Variants in DNAH6 observed in about 807,000 individuals in gnomAD.
The protein encoded by DNAH6 is dynein axonemal heavy chain 6, also known as axonemal beta dynein heavy chain 6.
A neutral mutation model predicts 491.4 loss-of-function variants in DNAH6; 340 were observed. The observed-to-expected ratio is 0.69, with a 90% CI of 0.63 to 0.76. The LOEUF (loss-of-function observed/expected upper bound fraction) is 0.76. DNAH6 is among the 30% of genes least tolerant of loss of function. The pLI is 0.00. For synonymous variants in DNAH6, 1,603 were observed against 1,686.1 expected, an observed-to-expected ratio of 0.95 and a Z score of 1.21; for missense variants, 4,443 against 4,972.2, an observed-to-expected ratio of 0.89 and a Z score of 3.20.
chr2:84,464,595 T>C, the DNAH6 span, among the ~76,000 whole-genome samples: 4 of 152,358 alleles, frequency 2.6e-5, no homozygotes, highest in East Asian at 7.7e-4. Flanking sequence ...TTTATAGTTA[T>C]TTCTTCATGA....
intron 8 of DNAH6, among the ~76,000 whole-genome samples, chr2:84,549,162 C>A (rs1244222808): frequency 6.6e-6 from 1 of 152,214 alleles, no homozygotes; most frequent in East Asian, 1.9e-4. Flanking sequence ...CATTCTAAAA[C>A]CGCATGTCTT....
chr2:84,461,016 A>C, the DNAH6 span, among the ~76,000 whole-genome samples: 1,680 of 152,252 alleles, frequency 0.011, 28 homozygotes, highest in African/African-American at 0.039. Context: ...AGGCCTCCAC[A>C]AACAAGTTTA....
chr2:84,506,698 T>C, the DNAH6 span, among the ~76,000 whole-genome samples: 1 of 10,462 alleles, frequency 9.6e-5, no homozygotes, highest in Non-Finnish European at 1.4e-4. Flanking sequence ...TTTTATGGCT[T>C]TAGTTTAACA....
rs1239021969 is a variant in DNAH6, at chr2:84,701,176, AG to A, written c.7899del (p.Lys2633AsnfsTer4). On this transcript the variant is annotated frameshift_variant, in exon 49 of 77. Transcript: ENST00000389394. LOFTEE classifies it high-confidence loss of function. ...VDAGNEELKE[K>X]LPLMCVNVHL... The stretch of plus-strand genomic sequence containing the variant: ...GCTGGAAATGAAGAACTGAAAGAAA[AG>A]CTTCCCTTGATGTGCGTGAACGTTC... 3.9e-6 allele frequency: 6 copies of A among 1,551,796 alleles called. No homozygotes were observed. The East Asian group carries it at 1.5e-4, about 38-fold the overall frequency.
chr2:84,473,529 A>G, the DNAH6 span, among the ~76,000 whole-genome samples: 1 of 152,200 alleles, frequency 6.6e-6, no homozygotes, highest in Non-Finnish European at 1.5e-5. Flanking sequence ...TTCTTCAATT[A>G]ATTGAAGTTC....
intron 67 of DNAH6, among the ~76,000 whole-genome samples, chr2:84,786,948 A>T (rs545098133): frequency 6.6e-6 from 1 of 152,186 alleles, no homozygotes; most frequent in African/African-American, 2.4e-5. Flanking sequence ...GTAATAGCAA[A>T]TTTTCTTTTG....
chr2:84,603,382 G>T (rs10048709), intron 18 of DNAH6, among the ~76,000 whole-genome samples: 130,953 of 152,006 alleles, frequency 0.86, 57,206 homozygotes, highest in East Asian at 0.99. Flanking sequence ...AATTTCGGGT[G>T]GGGCTGGTTT....
chr2:84,550,350 C>T (rs756419770), intron 9 of DNAH6, among the ~76,000 whole-genome samples: 1 of 152,068 alleles, frequency 6.6e-6, no homozygotes, highest in Non-Finnish European at 1.5e-5. Context: ...GTTCACAGTA[C>T]GGTTTGGGCT....
At chr2:84,712,365 T>TG (rs1303241619) in intron 56 of DNAH6, among the ~76,000 whole-genome samples, 1 of 152,206 alleles carries the variant, frequency 6.6e-6, no homozygotes, top group Non-Finnish European at 1.5e-5. Flanking sequence ...TGAAAGCCCC[T>TG]GGGCCATGGG....
intron 59 of DNAH6, among the ~76,000 whole-genome samples, chr2:84,718,898 T>G (rs764037862): frequency 7.2e-5 from 11 of 152,242 alleles, no homozygotes; most frequent in Non-Finnish European, 1.3e-4. Flanking sequence ...TCTCCAAGGA[T>G]TACACATGGT....
chr2:84,699,419 T>C (rs1695679595), intron 47 of DNAH6, among the ~76,000 whole-genome samples, 175 bp from the exon 48 acceptor site: 1 of 152,190 alleles, frequency 6.6e-6, no homozygotes, highest in Admixed American at 6.5e-5. Context: ...TTTTAATCTT[T>C]CCAGACTGTG....
intron 42 of DNAH6, 67 bp from the exon 43 acceptor site, chr2:84,685,259 A>T (rs1694157544): frequency 1.7e-6 from 2 of 1,189,724 alleles, no homozygotes; most frequent in Admixed American, 6.4e-5. Flanking sequence ...TTTCCTAATT[A>T]AACTATTACT....
At chr2:84,751,858 C>G (rs1451614245) in intron 63 of DNAH6, among the ~76,000 whole-genome samples, 1 of 152,238 alleles carries the variant, frequency 6.6e-6, no homozygotes, top group Non-Finnish European at 1.5e-5. Flanking sequence ...CAAGAACCTG[C>G]ATTTCTAACA....
intron 64 of DNAH6, among the ~76,000 whole-genome samples, chr2:84,770,862 C>T (rs553238108): frequency 7.2e-5 from 11 of 151,982 alleles, no homozygotes; most frequent in Middle Eastern, 3.4e-3. Context: ...TGGTGGCATG[C>T]GCCTGTAGTC....
At chr2:84,793,914 A>C (rs528956666) in intron 68 of DNAH6, among the ~76,000 whole-genome samples, 56 of 152,180 alleles carry the variant, frequency 3.7e-4, no homozygotes, top group Non-Finnish European at 7.1e-4. Flanking sequence ...CTCTCAACCA[A>C]CCATCTCAGC....
chr2:84,564,686 C>A (rs1200977178), intron 11 of DNAH6, among the ~76,000 whole-genome samples: 3 of 152,128 alleles, frequency 2.0e-5, no homozygotes. Flanking sequence ...TTACTTCTTT[C>A]TCTTGCATGA....
intron 41 of DNAH6, among the ~76,000 whole-genome samples, chr2:84,681,058 C>A (rs191790507): frequency 6.6e-6 from 1 of 152,056 alleles, no homozygotes; most frequent in East Asian, 1.9e-4. Flanking sequence ...TTGTGCCCTT[C>A]GTGATGACCC....
chr2:84,702,234 G>A (rs188357816), intron 49 of DNAH6, among the ~76,000 whole-genome samples: 34 of 152,294 alleles, frequency 2.2e-4, no homozygotes, highest in African/African-American at 7.9e-4. Context: ...CTAAGCCTTA[G>A]TAGAAAATAA....
intron 37 of DNAH6, among the ~76,000 whole-genome samples, chr2:84,662,130 A>T (rs1473727409): frequency 6.6e-6 from 1 of 152,164 alleles, no homozygotes; most frequent in Non-Finnish European, 1.5e-5. Flanking sequence ...ATAGAACAGA[A>T]AGTAGAGTGA....
Sources: allele counts gnomAD v4.1 joint callset (sites outside exome capture counted in the v4.1 genomes callset), GRCh38; gene constraint gnomAD v4.1.1; transcripts MANE v1.5; gene names NCBI Gene and HGNC (gene_info 2026-07-23, HGNC 2026-07-21).